The following LPAR1 variants were observed in gnomAD, a reference collection of about 807,000 sequenced individuals.
LPAR1 encodes LPA receptor 1.
Under a neutral mutation model 23.8 loss-of-function variants are expected in LPAR1, and 5 were observed. The observed-to-expected ratio is 0.21, with a 90% CI of 0.11 to 0.44. The LOEUF (loss-of-function observed/expected upper bound fraction) is 0.44. LPAR1 is among the 20% of genes least tolerant of loss of function. The pLI is 0.99. For synonymous variants in LPAR1, 160 were observed against 164.7 expected, an observed-to-expected ratio of 0.97 and a Z score of 0.22; for missense variants, 311 against 482.8, an observed-to-expected ratio of 0.64 and a Z score of 3.33.
At chr9:110,914,561 G>A (rs1015026509) in intron 5 of LPAR1, among the ~76,000 whole-genome samples, 1 of 152,160 alleles carries the variant, frequency 6.6e-6, no homozygotes. Flanking sequence ...ATTTGGGTGG[G>A]GACCCAGCCA....
intron 5 of LPAR1, among the ~76,000 whole-genome samples, chr9:110,876,650 A>G (rs490058): frequency 0.81 from 123,333 of 152,182 alleles, 50,277 homozygotes; most frequent in East Asian, 0.98. Context: ...ACATTTCTAT[A>G]TCTTGAAAAT....
At chr9:110,926,110 T>C (rs62573211) in intron 5 of LPAR1, among the ~76,000 whole-genome samples, 3 of 152,060 alleles carry the variant, frequency 2.0e-5, no homozygotes, top group Non-Finnish European at 2.9e-5. Context: ...TTAGTAGAGA[T>C]GGGGTTTCAC....
chr9:111,032,241 C>G (rs190399030), intron 2 of LPAR1, among the ~76,000 whole-genome samples: 29 of 152,298 alleles, frequency 1.9e-4, no homozygotes, highest in Non-Finnish European at 2.5e-4. Context: ...TAGAAAGCCT[C>G]TTGATCCCTT....
intron 5 of LPAR1, among the ~76,000 whole-genome samples, chr9:110,932,680 C>G (rs4629947): frequency 0.22 from 32,846 of 152,270 alleles, 4,355 homozygotes; most frequent in Admixed American, 0.29. Context: ...CCTGCCAGAT[C>G]AGTGGCGGCA....
intron 5 of LPAR1, among the ~76,000 whole-genome samples, chr9:110,923,951 T>C (rs987058546): frequency 6.6e-6 from 1 of 152,232 alleles, no homozygotes; most frequent in Non-Finnish European, 1.5e-5. Context: ...TGTGGCCACA[T>C]ACATTCCTAT....
chr9:110,966,533 T>G (rs2096234281), intron 4 of LPAR1, among the ~76,000 whole-genome samples: 1 of 150,470 alleles, frequency 6.6e-6, no homozygotes, highest in African/African-American at 2.4e-5. Context: ...TACAGCAAAC[T>G]ACCATGGCAC....
chr9:111,027,555 AT>A (rs35663630), intron 2 of LPAR1, among the ~76,000 whole-genome samples: 78,397 of 151,548 alleles, frequency 0.52, 20,528 homozygotes, highest in East Asian at 0.67. Context: ...TAAAAATACA[AT>A]TTTTTTTAAG....
At chr9:110,915,780 G>C (rs1158100373) in intron 5 of LPAR1, among the ~76,000 whole-genome samples, 1 of 152,118 alleles carries the variant, frequency 6.6e-6, no homozygotes, top group Non-Finnish European at 1.5e-5. Context: ...CTTAGATGTA[G>C]ATTTTAGCTA....
chr9:110,932,873 G>A (rs956767222), intron 5 of LPAR1, among the ~76,000 whole-genome samples: 5 of 152,146 alleles, frequency 3.3e-5, no homozygotes, highest in Non-Finnish European at 7.3e-5. Context: ...GTGATTCCTG[G>A]GGCCAAAAAG....
intron 5 of LPAR1, among the ~76,000 whole-genome samples, chr9:110,913,647 A>T (rs1285748835): frequency 1.3e-5 from 2 of 152,158 alleles, no homozygotes; most frequent in African/African-American, 4.8e-5. Flanking sequence ...AAGTATGCCC[A>T]CAAACAAAAA....
intron 5 of LPAR1, among the ~76,000 whole-genome samples, chr9:110,940,809 C>G (rs2095052309): frequency 6.6e-6 from 1 of 152,160 alleles, no homozygotes; most frequent in Non-Finnish European, 1.5e-5. Context: ...TTTGAGTCTA[C>G]AAATCTTGCT....
rs536540790 is a variant in LPAR1, at chr9:110,939,632, T to C, written c.793+1789A>G. ...CTAGCTCCTATAGCCTCAAAATGAT[T>C]ATTTCAACCTGAAAAACAACCCAAA... is the stretch of plus-strand genomic sequence containing the variant. On this transcript the variant is annotated intron_variant, in intron 5 of 5. Coordinates refer to ENST00000683809, the MANE Select transcript of LPAR1 (RefSeq NM_001351411.2). 5.3e-5 allele frequency among the ~76,000 whole-genome samples: 8 copies of C among 152,312 alleles called. No individual in the cohort carries two copies. The East Asian group carries it at 1.5e-3, about 29-fold the overall frequency.
intron 5 of LPAR1, among the ~76,000 whole-genome samples, chr9:110,926,090 T>G (rs2094006645): frequency 6.6e-6 from 1 of 152,098 alleles, no homozygotes; most frequent in African/African-American, 2.4e-5. Context: ...CCGGCTAATT[T>G]TTTGTATTTT....
At position 111,025,172 on chromosome 9, in the gene LPAR1, T is replaced by A. The variant is rs180962894; in HGVS notation, c.-182+10950A>T. On this transcript the variant is annotated intron_variant, in intron 2 of 5. Transcript: ENST00000683809. The stretch of plus-strand genomic sequence containing the variant: ...CTAATTTACACTCCCACCAACAGTA[T>A]AAAAGCATTCCTATTTCTCCACATC... Among the ~76,000 whole-genome samples, 392 of 152,338 alleles carry A rather than the reference T, an allele frequency of 2.6e-3. 2 individuals carry two copies. Among genetic ancestry groups the A allele is most frequent in the Non-Finnish European group, 2.7e-3 (183 of 68,032 alleles).
intron 5 of LPAR1, among the ~76,000 whole-genome samples, chr9:110,894,392 T>C (rs982747747): frequency 6.6e-6 from 1 of 152,214 alleles, no homozygotes; most frequent in Admixed American, 6.5e-5. Flanking sequence ...TATGATCTAC[T>C]TTCAGCACTA....
At chr9:110,986,330 C>T (rs892767503) in intron 2 of LPAR1, among the ~76,000 whole-genome samples, 1 of 152,058 alleles carries the variant, frequency 6.6e-6, no homozygotes, top group Non-Finnish European at 1.5e-5. Context: ...AACCAAGCTT[C>T]GGGCAGGCTA....
chr9:110,905,955 A>G (rs2091100551), intron 5 of LPAR1, among the ~76,000 whole-genome samples: 1 of 152,218 alleles, frequency 6.6e-6, no homozygotes, highest in African/African-American at 2.4e-5. Context: ...TAAGAACCAC[A>G]TGAATTTCTG....
intron 4 of LPAR1, among the ~76,000 whole-genome samples, chr9:110,947,656 G>A (rs997026658): frequency 2.0e-5 from 3 of 152,236 alleles, no homozygotes; most frequent in Non-Finnish European, 2.9e-5. Context: ...GCATGGCACT[G>A]CATTATGCCT....
intron 5 of LPAR1, among the ~76,000 whole-genome samples, chr9:110,931,553 T>C (rs571866202): frequency 5.3e-5 from 8 of 152,350 alleles, no homozygotes; most frequent in Admixed American, 3.9e-4. Flanking sequence ...ATTTTGGCTT[T>C]TGTTGCCATT....
Sources: allele counts gnomAD v4.1 joint callset (sites outside exome capture counted in the v4.1 genomes callset), GRCh38; gene constraint gnomAD v4.1.1; transcripts MANE v1.5; gene names NCBI Gene and HGNC (gene_info 2026-07-23, HGNC 2026-07-21).